Variants in PCID2 observed in about 807,000 individuals in gnomAD.
The protein encoded by PCID2 is PCI domain containing 2, also known as PCI domain-containing protein 2.
In PCID2, 41 loss-of-function variants were observed where a neutral mutation model predicts 61.3. That is an observed-to-expected ratio of 0.67 (90% CI 0.52 to 0.87). The LOEUF is 0.87. Among genes scored for constraint, PCID2 ranks in the 40% least tolerant of loss-of-function variants. The pLI, the probability that PCID2 is intolerant of heterozygous loss-of-function variation, is 0.00. For synonymous variants in PCID2, 187 were observed against 177.8 expected, an observed-to-expected ratio of 1.05 and a Z score of -0.41; for missense variants, 392 against 493.4, an observed-to-expected ratio of 0.79 and a Z score of 1.95.
At chr13:113,198,041 G>C (rs1157685223) in intron 3 of PCID2, 150 bp downstream of exon 3, 1 of 615,506 alleles carries the variant, frequency 1.6e-6, no homozygotes, top group Non-Finnish European at 2.9e-6. Flanking sequence ...ATTTCCACAG[G>C]CTTTACCAAA....
At chr13:113,208,252 G>A (rs1177741081) in intron 1 of PCID2, 2 of 1,439,748 alleles carry the variant, frequency 1.4e-6, no homozygotes, top group Non-Finnish European at 1.8e-6. Context: ...CCCACAGCGG[G>A]CCCTCGGCGT....
At chr13:113,205,932 G>A (rs1566990417) in intron 1 of PCID2, among the ~76,000 whole-genome samples, 1 of 152,212 alleles carries the variant, frequency 6.6e-6, no homozygotes, top group Non-Finnish European at 1.5e-5. Flanking sequence ...ACTTTAAAAT[G>A]GTTAAATGGT....
chr13:113,180,111 AG>A (rs1008524098), intron 11 of PCID2, 46 bp downstream of exon 11: 1 of 1,613,508 alleles, frequency 6.2e-7, no homozygotes, highest in African/African-American at 1.3e-5. Flanking sequence ...AACTCTCATC[AG>A]GCTTGCATTT....
At chr13:113,169,536 C>T in the PCID2 span, among the ~76,000 whole-genome samples, 1 of 152,200 alleles carries the variant, frequency 6.6e-6, no homozygotes, top group African/African-American at 2.4e-5. Context: ...TCTATACATA[C>T]ACTTGGATAT....
chr13:113,171,983 C>G, the PCID2 span: 3 of 1,613,384 alleles, frequency 1.9e-6, no homozygotes, highest in Non-Finnish European at 2.5e-6. The surrounding 1 kb of genome is among the most constrained non-coding windows in gnomAD (Gnocchi z 5.1). Context: ...CACCAGAGAA[C>G]ACAGAGGCTC....
intron 1 of PCID2, chr13:113,208,021 T>TA (rs1566995615): frequency 6.2e-6 from 10 of 1,612,106 alleles, no homozygotes; most frequent in Non-Finnish European, 8.5e-6. Flanking sequence ...TTCTGCTACT[T>TA]ACAAGCTGTT....
At chr13:113,202,738 G>A (rs1224052450) in intron 1 of PCID2, among the ~76,000 whole-genome samples, 3 of 152,320 alleles carry the variant, frequency 2.0e-5, no homozygotes, top group East Asian at 3.9e-4. Context: ...ATACAGGATG[G>A]AGAAGGCAGA....
intron 9 of PCID2, among the ~76,000 whole-genome samples, chr13:113,183,171 G>C (rs1417105194): frequency 2.6e-5 from 4 of 152,144 alleles, no homozygotes; most frequent in Non-Finnish European, 5.9e-5. Context: ...AGTAATCTCA[G>C]AGCATCACAC....
intron 1 of PCID2, among the ~76,000 whole-genome samples, chr13:113,203,696 T>TC (rs1240418257): frequency 6.6e-6 from 1 of 152,000 alleles, no homozygotes; most frequent in African/African-American, 2.4e-5. Flanking sequence ...CAAAGGGGCC[T>TC]CCTCTGGCTC....
chr13:113,204,928 G>A (rs1488899560), intron 1 of PCID2, among the ~76,000 whole-genome samples: 9 of 152,084 alleles, frequency 5.9e-5, no homozygotes, highest in East Asian at 5.8e-4. Context: ...CCTTCTGAGC[G>A]GCACCCCCAG....
chr13:113,195,098 C>T lies in PCID2; in HGVS notation c.336G>A (p.Ala112=). 7 of 1,611,238 alleles carry T rather than the reference C, an allele frequency of 4.3e-6. No homozygotes were observed. Among genetic ancestry groups the T allele is most frequent in the Non-Finnish European group, 5.9e-6 (7 of 1,177,342 alleles). ...TATTGGCAAACACTCGAAGGTCAAG[C>T]GCTACTGCATACATGACAGGCAGAG... ...NWALPVMYAV[A]LDLRVFANNA... The change falls in exon 6 of 14, where the codon GCG becomes GCA. Residue 112 remains alanine (A), a synonymous_variant. Coordinates refer to ENST00000337344, the MANE Select transcript of PCID2 (RefSeq NM_001127202.4).
chr13:113,203,796 C>T (rs947904529), intron 1 of PCID2, among the ~76,000 whole-genome samples: 7 of 152,212 alleles, frequency 4.6e-5, no homozygotes, highest in African/African-American at 1.2e-4. Flanking sequence ...ACTGCGTCTT[C>T]CCCGTTTGCC....
At chr13:113,177,017 C>T (rs909161240), downstream of PCID2, among the ~76,000 whole-genome samples, 5 of 152,228 alleles carry the variant, frequency 3.3e-5, no homozygotes, top group Admixed American at 6.5e-5. Context: ...CTGTCAACCT[C>T]GCCGTGGTGC....
chr13:113,208,614 G>A lies in PCID2; in HGVS notation c.21C>T (p.Asn7=). The change falls in exon 1 of 14, where the codon AAC becomes AAT. Residue 7 remains asparagine (N), a synonymous_variant. Coordinates refer to ENST00000337344, the MANE Select transcript of PCID2 (RefSeq NM_001127202.4). ...TAGGACCCACCTGCTGCAGGTACTG[G>A]TTAATGGTAATGTGCGCCATGGGAG... is the stretch of plus-strand genomic sequence containing the variant. The part of the protein sequence containing the change: MAHITI[N]QYLQQVYEAI... 6.2e-7 allele frequency: 1 copy of A among 1,607,990 alleles called. No homozygotes were observed. Among genetic ancestry groups the A allele is most frequent in the Non-Finnish European group, 8.5e-7 (1 of 1,177,720 alleles).
intron 1 of PCID2, 91 bp downstream of exon 1, chr13:113,208,508 G>A (rs916084937): frequency 5.8e-6 from 9 of 1,552,748 alleles, no homozygotes; most frequent in Non-Finnish European, 7.8e-6. Flanking sequence ...AGGCGGGAAA[G>A]GAAAAGGCCT....
At chr13:113,171,461 A>T in the PCID2 span, 4 of 1,081,848 alleles carry the variant, frequency 3.7e-6, no homozygotes, top group East Asian at 7.6e-5. This position sits in a 1 kb window ranked among gnomAD's most constrained non-coding sequence, Gnocchi z 5.1. Flanking sequence ...TGTCCACACC[A>T]CGGGGCGGTG....
rs750691267 is a variant in PCID2 at position 113,198,208 on chromosome 13, CATTTCATCATAAG to C, written c.170_182del (p.Pro57ArgfsTer6). The C allele has an allele frequency of 2.5e-5, 40 of 1,606,360 alleles. No individual in the cohort carries two copies. Among genetic ancestry groups the C allele is most frequent in the Non-Finnish European group, 3.1e-5 (37 of 1,176,568 alleles). ...CAGATTACCTTAAATGAGCTGCAAA[CATTTCATCATAAG>C]GGGGTTCCAAGACTTGTTGACACTT... On this transcript the variant is annotated frameshift_variant, in exon 3 of 14. Coordinates refer to ENST00000337344, the MANE Select transcript of PCID2 (RefSeq NM_001127202.4). LOFTEE classifies it high-confidence loss of function.
At chr13:113,206,468 A>G (rs572099624) in intron 1 of PCID2, among the ~76,000 whole-genome samples, 53 of 152,322 alleles carry the variant, frequency 3.5e-4, no homozygotes, top group Non-Finnish European at 7.1e-4. Flanking sequence ...AGATACATCC[A>G]ATTAGGTAAA....
chr13:113,190,423 A>C (rs2038514713), intron 7 of PCID2, among the ~76,000 whole-genome samples: 1 of 152,234 alleles, frequency 6.6e-6, no homozygotes, highest in South Asian at 2.1e-4. Context: ...TCAACCCACG[A>C]GACTCCATGT....
Sources: allele counts gnomAD v4.1 joint callset (sites outside exome capture counted in the v4.1 genomes callset), GRCh38; gene constraint gnomAD v4.1.1; non-coding constraint Gnocchi (gnomAD v3.1); transcripts MANE v1.5; gene names NCBI Gene and HGNC (gene_info 2026-07-23, HGNC 2026-07-21).